Variants in DNAH6 observed in about 807,000 individuals in gnomAD.
DNAH6 encodes axonemal beta dynein heavy chain 6.
In DNAH6, 340 loss-of-function variants were observed where a neutral mutation model predicts 491.4. The observed-to-expected ratio is 0.69, with a 90% CI of 0.63 to 0.76. The LOEUF is 0.76. DNAH6 is among the 30% of genes least tolerant of loss of function. The pLI is 0.00. For synonymous variants in DNAH6, 1,603 were observed against 1,686.1 expected (o/e 0.95, Z 1.21); for missense variants, 4,443 against 4,972.2 (o/e 0.89, Z 3.20).
chr2:84,629,256 G>T (rs1197185061), intron 29 of DNAH6, among the ~76,000 whole-genome samples: 2 of 152,166 alleles, frequency 1.3e-5, no homozygotes, highest in Non-Finnish European at 1.5e-5. Context: ...GTGAATGGGT[G>T]CCTGGTTTAT....
the DNAH6 span, among the ~76,000 whole-genome samples, chr2:84,479,593 A>G: frequency 1.3e-5 from 2 of 152,228 alleles, no homozygotes; most frequent in Non-Finnish European, 2.9e-5. Context: ...AAAAAGCAAG[A>G]TTCCCTGAGA....
intron 18 of DNAH6, among the ~76,000 whole-genome samples, chr2:84,603,310 T>C (rs1336496815): frequency 6.6e-6 from 1 of 152,052 alleles, no homozygotes; most frequent in African/African-American, 2.4e-5. Context: ...GGTTTAAGGG[T>C]TGATGTTGCT....
chr2:84,593,573 C>A (rs758907117), intron 16 of DNAH6, among the ~76,000 whole-genome samples: 2 of 152,162 alleles, frequency 1.3e-5, no homozygotes, highest in Non-Finnish European at 2.9e-5. Context: ...CAGTCATCTC[C>A]CTCTTCTGCC....
At chr2:84,768,486 C>A (rs1195247392) in intron 64 of DNAH6, among the ~76,000 whole-genome samples, 1 of 151,044 alleles carries the variant, frequency 6.6e-6, no homozygotes, top group Non-Finnish European at 1.5e-5. Context: ...TTTAAAGTTC[C>A]TCAAAAAACA....
upstream of DNAH6, among the ~76,000 whole-genome samples, chr2:84,512,415 C>T (rs566858238): frequency 2.0e-5 from 3 of 152,298 alleles, no homozygotes; most frequent in East Asian, 3.9e-4. Flanking sequence ...AACTACCCTA[C>T]TCCCAAGAAA....
At chr2:84,777,481 C>G in intron 64 of DNAH6, 1 of 674,892 alleles carries the variant, frequency 1.5e-6, no homozygotes, top group Non-Finnish European at 2.7e-6. Context: ...TACTTTCTGC[C>G]AAATCTGCCA....
At chr2:84,641,842 A>G in intron 32 of DNAH6, 105 bp from the exon 33 acceptor site, 1 of 849,530 alleles carries the variant, frequency 1.2e-6, no homozygotes. Flanking sequence ...TTCTCCTTCT[A>G]ACAGGAATCC....
rs1476259959 is a variant in DNAH6, at chr2:84,604,428, T to A, written c.2958T>A (p.Asp986Glu). 6.4e-7 allele frequency: 1 copy of A among 1,551,970 alleles called. No individual in the cohort carries two copies. Among genetic ancestry groups the A allele is most frequent in the East Asian group, 2.4e-5 (1 of 40,936 alleles). ...AAACAGTTGATGCCACTCTAGTGGA[T>A]GCTGAAATTCCATTAACCTTGGAGA... is the stretch of plus-strand genomic sequence containing the variant. The part of the protein sequence containing the change: ...IEQTVDATLV[D>E]AEIPLTLERL... The change falls in exon 19 of 77, where the codon GAT (aspartate) becomes GAA (glutamate). Residue 986 changes from aspartate to glutamate, a missense_variant. Coordinates refer to ENST00000389394, the MANE Select transcript of DNAH6 (RefSeq NM_001370.2).
At chr2:84,489,416 T>G in the DNAH6 span, among the ~76,000 whole-genome samples, 1 of 152,144 alleles carries the variant, frequency 6.6e-6, no homozygotes, top group Non-Finnish European at 1.5e-5. Flanking sequence ...TTTTATGATA[T>G]GATAAACCTA....
At chr2:84,780,808 G>A (rs1214472829) in intron 64 of DNAH6, among the ~76,000 whole-genome samples, 2 of 150,368 alleles carry the variant, frequency 1.3e-5, no homozygotes, top group African/African-American at 2.5e-5. Flanking sequence ...GTTTTCCTTT[G>A]AGGGCTTGAC....
chr2:84,716,147 A>ATACATATATATGGG (rs1697515147), intron 58 of DNAH6, among the ~76,000 whole-genome samples: 1 of 149,918 alleles, frequency 6.7e-6, no homozygotes, highest in African/African-American at 2.4e-5. Flanking sequence ...ACCCATATAT[A>ATACATATATATGGG]TACATATATA....
chr2:84,583,967 A>G (rs368174850), intron 14 of DNAH6, 32 bp from the exon 15 acceptor site: 14 of 1,607,082 alleles, frequency 8.7e-6, no homozygotes, highest in Non-Finnish European at 1.2e-5. Flanking sequence ...GGATTCTGCT[A>G]CATTTAATGA....
intron 64 of DNAH6, among the ~76,000 whole-genome samples, chr2:84,773,179 G>A (rs1675796624): frequency 6.6e-6 from 1 of 152,000 alleles, no homozygotes; most frequent in African/African-American, 2.4e-5. Context: ...CTGAAGTAGT[G>A]AGCATAATAC....
At chr2:84,726,356 G>T (rs1698628900) in intron 60 of DNAH6, among the ~76,000 whole-genome samples, 1 of 152,122 alleles carries the variant, frequency 6.6e-6, no homozygotes, top group Non-Finnish European at 1.5e-5. Flanking sequence ...TCAGGGCCCT[G>T]GTGGGACTTC....
At chr2:84,569,478 T>G (rs1681560389) in intron 11 of DNAH6, among the ~76,000 whole-genome samples, 1 of 151,948 alleles carries the variant, frequency 6.6e-6, no homozygotes, top group Non-Finnish European at 1.5e-5. Flanking sequence ...ATATAGTTCT[T>G]AAAAAATCAA....
At chr2:84,807,796 C>A (rs1679563952) in intron 71 of DNAH6, among the ~76,000 whole-genome samples, 1 of 152,178 alleles carries the variant, frequency 6.6e-6, no homozygotes, top group Non-Finnish European at 1.5e-5. Flanking sequence ...ACATTGGAGA[C>A]CTTTCAAACC....
At chr2:84,643,016 C>T (rs1272536579) in intron 33 of DNAH6, among the ~76,000 whole-genome samples, 2 of 152,066 alleles carry the variant, frequency 1.3e-5, no homozygotes, top group East Asian at 1.9e-4. Flanking sequence ...TGTTATTTTT[C>T]GTCTCTCTAA....
At chr2:84,679,211 T>G (rs761551559) in intron 41 of DNAH6, among the ~76,000 whole-genome samples, 13 of 152,216 alleles carry the variant, frequency 8.5e-5, no homozygotes, top group South Asian at 4.1e-4. Context: ...CCTATTAGTG[T>G]TAACACGATT....
At chr2:84,633,110 A>G (rs995761784) in intron 29 of DNAH6, among the ~76,000 whole-genome samples, 6 of 152,238 alleles carry the variant, frequency 3.9e-5, no homozygotes, top group African/African-American at 1.4e-4. Flanking sequence ...CGGAGCAGCC[A>G]GTAAGTGAGA....
Sources: allele counts gnomAD v4.1 joint callset (sites outside exome capture counted in the v4.1 genomes callset), GRCh38; gene constraint gnomAD v4.1.1; transcripts MANE v1.5; gene names NCBI Gene and HGNC (gene_info 2026-07-23, HGNC 2026-07-21).